Variants in CES5A observed in about 807,000 individuals in gnomAD.
CES5A encodes the protein carboxylesterase 5.
Under a neutral mutation model 62.9 loss-of-function variants are expected in CES5A, and 67 were observed. The ratio of observed to expected loss-of-function variants is 1.07; its 90% confidence interval spans 0.88 to 1.31. The LOEUF (loss-of-function observed/expected upper bound fraction) is 1.31. Ranked by LOEUF, CES5A falls within the 50% of genes most tolerant of loss-of-function variation. The probability of loss-of-function intolerance (pLI) is 0.00; values close to 1 mark genes in which losing one functional copy is unlikely to be tolerated. For synonymous variants in CES5A, 296 were observed against 280.8 expected (o/e 1.05, Z -0.54); for missense variants, 748 against 708.5 (o/e 1.06, Z -0.63).
At chr16:55,928,179 C>T (rs2099067614), upstream of CES5A, among the ~76,000 whole-genome samples, 2 of 151,910 alleles carry the variant, frequency 1.3e-5, no homozygotes, top group South Asian at 2.1e-4. Flanking sequence ...GGAGGTGGAG[C>T]TTGCAGTGAG....
chr16:55,937,771 G>A, intron 2 of CES5A, among the ~76,000 whole-genome samples: 1 of 152,090 alleles, frequency 6.6e-6, no homozygotes, highest in East Asian at 1.9e-4. Flanking sequence ...TTAATTATCA[G>A]CCTGACCTTG....
At chr16:55,847,167 TCTCTCTTCCTTCTCTCCATC>T (rs2033031444) in intron 11 of CES5A, among the ~76,000 whole-genome samples, 1 of 151,880 alleles carries the variant, frequency 6.6e-6, no homozygotes, top group Admixed American at 6.6e-5. Context: ...TTCTCCTCTG[TCTCTCTTCCTTCTCTCCATC>T]CTCTCTTCCT....
chr16:55,858,691 A>G (rs1418346135), intron 8 of CES5A, among the ~76,000 whole-genome samples: 1 of 152,158 alleles, frequency 6.6e-6, no homozygotes, highest in Non-Finnish European at 1.5e-5. Context: ...TCTTAACCCT[A>G]TTTCCTCCAG....
At chr16:55,885,670 C>A (rs943842285) in intron 1 of CES5A, among the ~76,000 whole-genome samples, 5 of 152,134 alleles carry the variant, frequency 3.3e-5, no homozygotes, top group Non-Finnish European at 5.9e-5. Context: ...CTGCTACACT[C>A]GTTTGTTAGC....
Position 55,846,702 on chromosome 16 carries a change from C to A in CES5A, c.1497-20G>T, listed in dbSNP as rs2033018942. 2 of 1,613,648 alleles carry A rather than the reference C, an allele frequency of 1.2e-6. No homozygotes were observed. The highest frequency in any genetic ancestry group is 2.7e-5 in the African/African-American group (2 of 74,900). On this transcript the variant is annotated intron_variant, in intron 12 of 12. Transcript: ENST00000290567. ...GGATTCCTAGAAGGGAGAGCAGAAA[C>A]AGGGGTGAGATTTTCCTCCTCACAC... is the stretch of plus-strand genomic sequence containing the variant.
chr16:55,948,710 G>A (rs942876128), intron 2 of CES5A, among the ~76,000 whole-genome samples: 3 of 152,182 alleles, frequency 2.0e-5, no homozygotes, highest in African/African-American at 4.8e-5. Context: ...GACAATTGCT[G>A]TAATCCAAGC....
At chr16:55,876,093 G>T (rs1236608136), upstream of CES5A, among the ~76,000 whole-genome samples, 7 of 152,066 alleles carry the variant, frequency 4.6e-5, no homozygotes, top group African/African-American at 1.4e-4. Context: ...ACAAATTGTA[G>T]CCATGACTGT....
At chr16:55,952,386 C>T (rs1317536389) in intron 1 of CES5A, among the ~76,000 whole-genome samples, 13 of 151,706 alleles carry the variant, frequency 8.6e-5, no homozygotes, top group African/African-American at 3.1e-4. Flanking sequence ...ACAAAATAAG[C>T]TCAGTGAAAT....
intron 1 of CES5A, among the ~76,000 whole-genome samples, chr16:55,905,582 G>C (rs912438034): frequency 6.6e-6 from 1 of 151,880 alleles, no homozygotes; most frequent in Non-Finnish European, 1.5e-5. Context: ...GGTCAGGCTC[G>C]AACTCCTGAC....
At chr16:55,912,200 C>T (rs1159371214) in intron 1 of CES5A, among the ~76,000 whole-genome samples, 1 of 152,344 alleles carries the variant, frequency 6.6e-6, no homozygotes, top group Non-Finnish European at 1.5e-5. Flanking sequence ...ATGAAGTCAT[C>T]TTCTCGCTGT....
At chr16:55,903,499 A>T (rs2034010972) in intron 1 of CES5A, among the ~76,000 whole-genome samples, 1 of 152,238 alleles carries the variant, frequency 6.6e-6, no homozygotes, top group Non-Finnish European at 1.5e-5. Flanking sequence ...GACCTAGGCA[A>T]GTCACACCAA....
intron 2 of CES5A, among the ~76,000 whole-genome samples, chr16:55,940,693 A>C (rs1597159321): frequency 6.6e-6 from 1 of 151,986 alleles, no homozygotes; most frequent in Non-Finnish European, 1.5e-5. Context: ...CCTGTATACC[A>C]AAAACATACA....
chr16:55,955,174 G>C (rs577550303), intron 1 of CES5A, among the ~76,000 whole-genome samples: 2 of 152,056 alleles, frequency 1.3e-5, no homozygotes, highest in Non-Finnish European at 2.9e-5. Context: ...CATGAGAACC[G>C]CAAGAGGCTA....
intron 2 of CES5A, among the ~76,000 whole-genome samples, chr16:55,948,153 A>G (rs2034516958): frequency 6.6e-6 from 1 of 152,184 alleles, no homozygotes; most frequent in Non-Finnish European, 1.5e-5. Context: ...GCCTGGGATA[A>G]AGAGACACAA....
chr16:55,897,009 C>T (rs1230918883), intron 1 of CES5A, among the ~76,000 whole-genome samples: 3 of 152,060 alleles, frequency 2.0e-5, no homozygotes, highest in Non-Finnish European at 4.4e-5. Flanking sequence ...ATTTGGGAAC[C>T]ACAGGAGTAT....
intron 4 of CES5A, chr16:55,869,365 G>T: frequency 3.9e-6 from 2 of 515,046 alleles, no homozygotes; most frequent in Non-Finnish European, 5.9e-6. Flanking sequence ...CCATGAGGAA[G>T]AATGTCTGCC....
intron 1 of CES5A, among the ~76,000 whole-genome samples, chr16:55,889,569 C>T (rs750223624): frequency 1.2e-4 from 19 of 152,062 alleles, no homozygotes; most frequent in Non-Finnish European, 1.6e-4. Flanking sequence ...GGGCATAGAG[C>T]GTCTATGCCC....
chr16:55,863,012 G>T (rs2033384330), intron 6 of CES5A, among the ~76,000 whole-genome samples: 2 of 152,164 alleles, frequency 1.3e-5, no homozygotes, highest in South Asian at 4.1e-4. Context: ...AATGCCCTGG[G>T]TATTCATTCC....
chr16:55,949,749 G>A (rs867745971), intron 2 of CES5A: 3 of 1,104,634 alleles, frequency 2.7e-6, no homozygotes, highest in Non-Finnish European at 3.8e-6. Context: ...TCAAGGGGCA[G>A]ACCCAACCCT....
Sources: allele counts gnomAD v4.1 joint callset (sites outside exome capture counted in the v4.1 genomes callset), GRCh38; gene constraint gnomAD v4.1.1; transcripts MANE v1.5; gene names NCBI Gene and HGNC (gene_info 2026-07-23, HGNC 2026-07-21).